The following IQSEC2 variants were observed in gnomAD, a reference collection of about 807,000 sequenced individuals.
The protein encoded by IQSEC2 is IQ motif and SEC7 domain-containing protein 2.
Under a neutral mutation model 74.6 loss-of-function variants are expected in IQSEC2, and 6 were observed. The observed-to-expected ratio is 0.08, with a 90% confidence interval of 0.04 to 0.16. The LOEUF (loss-of-function observed/expected upper bound fraction) is 0.16, where lower values mean the gene tolerates loss of function less well. IQSEC2 is among the 10% of genes least tolerant of loss of function. The pLI is 1.00. For missense variants in IQSEC2, 734 were observed against 1,306.2 expected, an observed-to-expected ratio of 0.56 and a Z score of 6.75; for synonymous variants, 494 against 544.5, an observed-to-expected ratio of 0.91 and a Z score of 1.29.
At chrX:53,259,449 G>C (rs1407488118) in intron 2 of IQSEC2, among the ~76,000 whole-genome samples, 1 of 109,643 alleles carries the variant, frequency 9.1e-6, no homozygotes, top group Non-Finnish European at 1.9e-5. Context: ...AGGCTGCAGT[G>C]AGCCAAGATT....
chrX:53,233,421 G>A lies in IQSEC2; in HGVS notation c.*798C>T, dbSNP rs980396157. On this transcript the variant is annotated 3_prime_UTR_variant, in exon 15 of 15. Transcript: ENST00000642864. ...GGTGGGGTAGGTGTAAGGGAATGGC[G>A]GGGGGGCATGCAATATGGGTGAGGG... 2 of 113,554 alleles carry A rather than the reference G, an allele frequency of 1.8e-5. No individual in the cohort carries two copies. Among genetic ancestry groups the A allele is most frequent in the Admixed American group, 9.4e-5 (1 of 10,677 alleles). The allele number at this position is 113,554 out of a possible 1,213,427, so 9.4% of individuals were successfully genotyped here.
In IQSEC2 at chrX:53,256,023, G is replaced by A. The variant is rs782077832; in HGVS notation, c.776C>T (p.Ala259Val). 7 of 1,183,241 alleles carry A rather than the reference G, an allele frequency of 5.9e-6. No individual in the cohort carries two copies. The highest frequency in any genetic ancestry group is 5.7e-5 in the South Asian group (3 of 52,473). ...GDAPGSDLST[A>V]VDSPGSQPPY... ...GGGTTGGCTCCCAGGACTATCAACC[G>A]CTGTGCTCAGGTCACTGCCTGGGGC... The change falls in exon 3 of 15, where the codon GCG becomes GTG. Residue 259 changes from alanine to valine, a missense_variant. Physicochemically the swap from Ala to Val is moderately conservative, Grantham distance 64. Transcript: ENST00000642864.
chrX:53,226,689 G>C (rs1011167561), downstream of IQSEC2: 1 of 112,171 alleles, frequency 8.9e-6, no homozygotes, highest in Admixed American at 9.4e-5. Context: ...TCAGGACTGA[G>C]CTAAGGACAT....
At chrX:53,237,180 T>C in intron 12 of IQSEC2, among the ~76,000 whole-genome samples, 1 of 111,546 alleles carries the variant, frequency 9.0e-6, no homozygotes, top group African/African-American at 3.3e-5. Flanking sequence ...CAGCTGGAAA[T>C]GGCAGAGCCG....
At chrX:53,306,564 T>C in intron 1 of IQSEC2, among the ~76,000 whole-genome samples, 1 of 111,499 alleles carries the variant, frequency 9.0e-6, no homozygotes, top group Non-Finnish European at 1.9e-5. Context: ...GGCCTACTAA[T>C]AGTTTCCAGT....
intron 2 of IQSEC2, chrX:53,266,421 A>G (rs1261029936): frequency 2.7e-6 from 2 of 751,745 alleles, no homozygotes; most frequent in African/African-American, 2.3e-5. Context: ...ACAGAGCACT[A>G]TGGGAGTGGC....
In IQSEC2 at chrX:53,235,774, G is replaced by A. The variant is rs1267607124; in HGVS notation, c.3501+9C>T. The A allele has an allele frequency of 3.4e-6, 4 of 1,164,390 alleles. 1 individual carries two copies. The African/African-American group carries it at 7.2e-5, about 21-fold the overall frequency. ...GCAGAGGACGAGTGGGGCAGGAGCT[G>A]GCACTTACTTCGATGGTGCTGTCCA... is the stretch of plus-strand genomic sequence containing the variant. On this transcript the variant is annotated intron_variant, in intron 14 of 14. Transcript: ENST00000642864.
intron 2 of IQSEC2, among the ~76,000 whole-genome samples, chrX:53,270,554 A>G (rs1556868482): frequency 9.0e-6 from 1 of 111,150 alleles, no homozygotes; most frequent in Non-Finnish European, 1.9e-5. Flanking sequence ...GCACCCCAAC[A>G]TTCTCTACCT....
Position 53,254,763 on chromosome X carries a change from T to G in IQSEC2, c.1168A>C (p.Met390Leu), listed in dbSNP as rs1556864672. ...TCATACTCCTCAAAGGAGAACTGCA[T>G]CCGCATGTTGGAAAGGATGATGCGG... ...SRRIILSNMR[M>L]QFSFEEYEKA... Residue 390 changes from methionine (M) to leucine (L), a missense_variant, in exon 4 of 15, where the codon ATG (methionine) becomes CTG (leucine). Around this residue, in one of 12 missense-constraint regions of IQSEC2, gnomAD observed 204 missense variants for 305.4 expected, o/e 0.67. Coordinates refer to ENST00000642864, the MANE Select transcript of IQSEC2 (RefSeq NM_001111125.3). The G allele has an allele frequency of 4.1e-6, 5 of 1,205,126 alleles. No homozygotes were observed. Among genetic ancestry groups the G allele is most frequent in the South Asian group, 3.6e-5 (2 of 55,892 alleles).
intron 2 of IQSEC2, among the ~76,000 whole-genome samples, chrX:53,283,043 CT>C (rs1388146933): frequency 9.0e-6 from 1 of 111,347 alleles, no homozygotes; most frequent in African/African-American, 3.3e-5. Context: ...TGGCAAAACC[CT>C]GTCTTTACTA....
At chrX:53,235,873 C>T (rs781789208) in intron 13 of IQSEC2, 41 bp from the exon 14 acceptor site, 41 of 1,122,664 alleles carry the variant, frequency 3.7e-5, no homozygotes, top group African/African-American at 3.5e-4. Flanking sequence ...GAGCAGCAAC[C>T]CCCCCCCTAC....
intron 2 of IQSEC2, among the ~76,000 whole-genome samples, chrX:53,281,913 A>G (rs1429277451): frequency 1.8e-5 from 2 of 112,369 alleles, no homozygotes; most frequent in Non-Finnish European, 3.8e-5. Flanking sequence ...CCCCAAGATC[A>G]AGACCCGGTT....
intron 1 of IQSEC2, among the ~76,000 whole-genome samples, chrX:53,293,184 C>T (rs1249607326): frequency 2.7e-5 from 3 of 112,333 alleles, no homozygotes; most frequent in Non-Finnish European, 5.6e-5. Context: ...AGGCAAGCAT[C>T]AGGGTGCTGC....
At chrX:53,293,028 G>C (rs2075116879) in intron 1 of IQSEC2, among the ~76,000 whole-genome samples, 1 of 112,434 alleles carries the variant, frequency 8.9e-6, no homozygotes. Context: ...TCAGCTGAGA[G>C]AGCCAAGACG....
chrX:53,300,747 T>C (rs1267244935), intron 1 of IQSEC2, among the ~76,000 whole-genome samples: 1 of 111,967 alleles, frequency 8.9e-6, no homozygotes, highest in Non-Finnish European at 1.9e-5. Context: ...CCTTTGATGC[T>C]GTGTGTGCAA....
intron 2 of IQSEC2, among the ~76,000 whole-genome samples, chrX:53,260,651 G>C (rs1005158498): frequency 9.0e-6 from 1 of 110,832 alleles, no homozygotes; most frequent in South Asian, 3.9e-4. Flanking sequence ...GCCTTTCCAT[G>C]CCTGCCTGCC....
downstream of IQSEC2, chrX:53,230,601 T>C (rs1259647931): frequency 2.6e-5 from 3 of 115,758 alleles, no homozygotes; most frequent in Non-Finnish European, 5.4e-5. Context: ...TTTTTGTTTG[T>C]TTGTTTGTTT....
Position 53,234,652 on chromosome X carries a change from C to G in IQSEC2, c.4034G>C (p.Arg1345Pro), listed in dbSNP as rs1359566569. ...AAACTGAGGGTGTCCTCCAGCCCCC[C>G]GTCTGGGTGCCCTGCCTGGCCGGCC... ...TLGRPGRAPRRGAGGHPQFAP... is the reference protein window; with the variant it reads ...TLGRPGRAPRPGAGGHPQFAP... Residue 1345 changes from arginine to proline, a missense_variant, in exon 15 of 15, where the codon CGG (arginine) becomes CCG (proline). Physicochemically the swap from Arg to Pro is moderately radical, Grantham distance 103. This residue lies in a region of IQSEC2 where 249 missense variants were observed against 467.9 expected (regional missense o/e 0.53). Coordinates refer to ENST00000642864, the MANE Select transcript of IQSEC2 (RefSeq NM_001111125.3). The G allele has an allele frequency of 8.8e-7, 1 of 1,135,995 alleles. No homozygotes were observed. The highest frequency in any genetic ancestry group is 1.2e-6 in the Non-Finnish European group (1 of 858,495). 93.6% of individuals were successfully genotyped at this position (1,135,995 alleles called of 1,213,427 possible).
chrX:53,256,115 T>A, intron 2 of IQSEC2, 54 bp from the exon 3 acceptor site: 1 of 1,066,842 alleles, frequency 9.4e-7, no homozygotes, highest in Non-Finnish European at 1.2e-6. Context: ...AGGGGCCTAC[T>A]GGGCCATACT....
Sources: gnomAD v4.1 joint callset for allele counts (sites outside exome capture counted in the v4.1 genomes callset) on GRCh38, gnomAD v4.1.1 for gene constraint, gnomAD v4.1.1 regional missense constraint, MANE v1.5 for transcripts, NCBI Gene and HGNC (gene_info 2026-07-23, HGNC 2026-07-21) for gene names.